ZBTB8A: variants seen among roughly 807,000 people sequenced by gnomAD.
ZBTB8A encodes the protein zinc finger and BTB domain containing 8A.
A neutral mutation model predicts 37.8 loss-of-function variants in ZBTB8A; 19 were observed. That is an observed-to-expected ratio of 0.50 (90% CI 0.35 to 0.74). ZBTB8A has a LOEUF of 0.74. Ranked by LOEUF, ZBTB8A falls within the 30% of genes least tolerant of loss-of-function variation. ZBTB8A has a pLI of 0.01. For missense variants in ZBTB8A, 394 were observed against 537.8 expected (o/e 0.73, Z 2.65); for synonymous variants, 181 against 185.2 (o/e 0.98, Z 0.19).
At chr1:32,584,070 A>C (rs1644427606) in intron 2 of ZBTB8A, among the ~76,000 whole-genome samples, 1 of 152,058 alleles carries the variant, frequency 6.6e-6, no homozygotes, top group Non-Finnish European at 1.5e-5. Flanking sequence ...GGAGGAGAGA[A>C]TACTTTGTAA....
chr1:32,544,727 G>A (rs1452910501), intron 1 of ZBTB8A, among the ~76,000 whole-genome samples: 3 of 152,068 alleles, frequency 2.0e-5, no homozygotes, highest in African/African-American at 7.2e-5. Context: ...AATAAACACA[G>A]GAAAGGTACA....
At chr1:32,593,832 A>C in intron 3 of ZBTB8A, 78 bp downstream of exon 3, 1 of 1,118,590 alleles carries the variant, frequency 8.9e-7, no homozygotes, top group Non-Finnish European at 1.3e-6. Context: ...AAACACCCTT[A>C]GTTTCAGGTG....
At chr1:32,580,379 G>C (rs1003714135) in intron 2 of ZBTB8A, among the ~76,000 whole-genome samples, 4 of 151,798 alleles carry the variant, frequency 2.6e-5, no homozygotes, top group Non-Finnish European at 5.9e-5. Flanking sequence ...CCAACATGGT[G>C]AAACTCCGTC....
intron 2 of ZBTB8A, among the ~76,000 whole-genome samples, chr1:32,556,897 A>G (rs1644207393): frequency 6.6e-6 from 1 of 152,082 alleles, no homozygotes; most frequent in Non-Finnish European, 1.5e-5. Flanking sequence ...CAAAAAAGAA[A>G]AAGCAAGGTA....
At chr1:32,592,365 T>C (rs72654004) in intron 2 of ZBTB8A, among the ~76,000 whole-genome samples, 3,437 of 150,732 alleles carry the variant, frequency 0.023, 42 homozygotes, top group Middle Eastern at 0.031. Context: ...TGAGACCTTA[T>C]CTCTATTAAA....
At chr1:32,558,259 A>G (rs564508639) in intron 2 of ZBTB8A, among the ~76,000 whole-genome samples, 2 of 152,242 alleles carry the variant, frequency 1.3e-5, no homozygotes, top group South Asian at 2.1e-4. Context: ...AACAAGAGGT[A>G]ACAGTGTAAA....
intron 2 of ZBTB8A, among the ~76,000 whole-genome samples, chr1:32,585,149 G>A (rs1644438248): frequency 6.6e-6 from 1 of 150,390 alleles, no homozygotes; most frequent in Non-Finnish European, 1.5e-5. Context: ...TCCTACCTCG[G>A]CCTCCCAAGT....
At chr1:32,559,617 A>G (rs745812722) in intron 2 of ZBTB8A, among the ~76,000 whole-genome samples, 5 of 151,632 alleles carry the variant, frequency 3.3e-5, no homozygotes, top group Non-Finnish European at 5.9e-5. Context: ...GGTACATGCC[A>G]CCATGCCTGG....
At chr1:32,540,331 A>T (rs1336139215) in intron 1 of ZBTB8A, among the ~76,000 whole-genome samples, 1 of 152,090 alleles carries the variant, frequency 6.6e-6, no homozygotes, top group Non-Finnish European at 1.5e-5. Context: ...GAAGCGGTAG[A>T]TTCACACACA....
Position 32,593,008 on chromosome 1 carries a change from G to A in ZBTB8A, c.77G>A (p.Cys26Tyr). 1 of 1,614,224 alleles carries A rather than the reference G, an allele frequency of 6.2e-7. No individual in the cohort carries two copies. Among genetic ancestry groups the A allele is most frequent in the Non-Finnish European group, 8.5e-7 (1 of 1,180,042 alleles). Residue 26 changes from cysteine (C) to tyrosine (Y), a missense_variant, in exon 3 of 5, where the codon TGC becomes TAC. This residue lies in a region of ZBTB8A where 96 missense variants were observed against 165.6 expected (regional missense o/e 0.58). Coordinates refer to ENST00000373510, the MANE Select transcript of ZBTB8A (RefSeq NM_001040441.3). ...CGCAGGCAAGATGTATTTTGTGACT[G>A]CAGTATTCTAGTTGAAGGGAAGGTC... Reference protein sequence around the residue: ...EQRRQDVFCDCSILVEGKVFK... With the variant: ...EQRRQDVFCDYSILVEGKVFK...
intron 1 of ZBTB8A, among the ~76,000 whole-genome samples, chr1:32,551,776 T>TTCCCTACGC (rs1475905210): frequency 1.3e-5 from 2 of 152,292 alleles, no homozygotes; most frequent in East Asian, 3.9e-4. Flanking sequence ...TCTCACTATG[T>TTCCCTACGC]TCCCTACGCT....
intron 1 of ZBTB8A, among the ~76,000 whole-genome samples, chr1:32,550,922 A>T (rs1570313931): frequency 6.8e-6 from 1 of 146,938 alleles, no homozygotes; most frequent in Non-Finnish European, 1.5e-5. Context: ...GCGCCATTGC[A>T]CTCCAGCCGG....
intron 2 of ZBTB8A, among the ~76,000 whole-genome samples, chr1:32,589,176 G>T (rs995758281): frequency 1.1e-4 from 16 of 152,146 alleles, no homozygotes; most frequent in Non-Finnish European, 1.9e-4. Context: ...TCAAGGGGAG[G>T]ATTTTTTTGT....
At chr1:32,567,825 A>AAAACAAAACAAACAAAAAC (rs1553178099) in intron 2 of ZBTB8A, among the ~76,000 whole-genome samples, 1 of 63,676 alleles carries the variant, frequency 1.6e-5, no homozygotes, top group African/African-American at 7.1e-5. Flanking sequence ...AAAAAAAAAC[A>AAAACAAAACAAACAAAAAC]AAAACAAAAC....
At chr1:32,553,618 G>A (rs916906418) in intron 2 of ZBTB8A, 78 bp downstream of exon 2, 3 of 152,128 alleles carry the variant, frequency 2.0e-5, no homozygotes, top group African/African-American at 7.2e-5. Context: ...CGGGCGCGGT[G>A]GCTCACGCCT....
rs775066313 is a variant in ZBTB8A, at chr1:32,593,536, C to G, written c.605C>G (p.Pro202Arg). Reference sequence around the variant, plus strand: ...CAACAACCCTTGGCCAAGCATGAACCAAGGAAAGAGTCCATTAAAAAGACC... The same window carrying G: ...CAACAACCCTTGGCCAAGCATGAACGAAGGAAAGAGTCCATTAAAAAGACC... Reference protein sequence around the residue: ...NTQQPLAKHEPRKESIKKTKH... With the variant: ...NTQQPLAKHERRKESIKKTKH... The change falls in exon 3 of 5, where the codon CCA (proline) becomes CGA (arginine). Residue 202 changes from proline to arginine, a missense_variant. This residue lies in a region of ZBTB8A where 171 missense variants were observed against 186.8 expected (regional missense o/e 0.92). Transcript: ENST00000373510. 6.2e-7 allele frequency: 1 copy of G among 1,614,148 alleles called. No homozygotes were observed. Among genetic ancestry groups the G allele is most frequent in the Non-Finnish European group, 8.5e-7 (1 of 1,180,032 alleles).
chr1:32,554,326 C>G (rs893160686), intron 2 of ZBTB8A, among the ~76,000 whole-genome samples: 1 of 150,556 alleles, frequency 6.6e-6, no homozygotes, highest in Non-Finnish European at 1.5e-5. Flanking sequence ...TCTCCCTGTT[C>G]ACTGATTGCT....
chr1:32,570,413 T>G (rs1322999278), intron 2 of ZBTB8A, among the ~76,000 whole-genome samples: 3 of 152,210 alleles, frequency 2.0e-5, no homozygotes, highest in African/African-American at 7.2e-5. Context: ...TGAATTCCCT[T>G]TAAATTTTAG....
chr1:32,599,409 C>A (rs150174381), intron 4 of ZBTB8A, among the ~76,000 whole-genome samples: 60 of 151,708 alleles, frequency 4.0e-4, no homozygotes, highest in African/African-American at 1.4e-3. Flanking sequence ...GGTGACAGAG[C>A]GAGACCCTAT....
Sources: allele counts gnomAD v4.1 joint callset (sites outside exome capture counted in the v4.1 genomes callset), GRCh38; gene constraint gnomAD v4.1.1; regional missense constraint gnomAD v4.1.1; transcripts MANE v1.5; gene names NCBI Gene and HGNC (gene_info 2026-07-23, HGNC 2026-07-21).